LIPE: variants seen among roughly 807,000 people sequenced by gnomAD.
The protein encoded by LIPE is hormone-sensitive lipase.
A neutral mutation model predicts 88.5 loss-of-function variants in LIPE; 66 were observed. The observed-to-expected ratio is 0.75, with a 90% CI of 0.61 to 0.91. The LOEUF (loss-of-function observed/expected upper bound fraction) is 0.91, where lower values mean the gene tolerates loss of function less well. Among genes scored for constraint, LIPE ranks in the 40% least tolerant of loss-of-function variants. The pLI, the probability that LIPE is intolerant of heterozygous loss-of-function variation, is 0.00. For synonymous variants in LIPE, 570 were observed against 617.5 expected, an observed-to-expected ratio of 0.92 and a Z score of 1.14; for missense variants, 1,346 against 1,434.7, an observed-to-expected ratio of 0.94 and a Z score of 1.00.
chr19:42,424,199 A>C, intron 1 of LIPE: 29 of 938,048 alleles, frequency 3.1e-5, no homozygotes, highest in Non-Finnish European at 3.8e-5. Flanking sequence ...GCTCCCGATA[A>C]TGAGGGTGGG....
chr19:42,409,076 G>A (rs1368184124), intron 2 of LIPE, among the ~76,000 whole-genome samples: 1 of 152,088 alleles, frequency 6.6e-6, no homozygotes, highest in Admixed American at 6.6e-5. Context: ...AGAGAGGATG[G>A]ATGGGGAGAG....
In LIPE at chr19:42,405,471, T is replaced by G; in HGVS notation, c.2456A>C (p.Asp819Ala). ...CCATGAGGAGGCACCCAGGCGGAAG[T>G]CTCGGAGGAGCAGGGCTGTGTCCCG... ...VRRDTALLLR[D>A]FRLGASSWLN... Residue 819 changes from aspartate (D) to alanine (A), a missense_variant, in exon 8 of 10, where the codon GAC (aspartate) becomes GCC (alanine). Transcript: ENST00000244289. 1 of 1,614,030 alleles carries G rather than the reference T, an allele frequency of 6.2e-7. No homozygotes were observed. Among genetic ancestry groups the G allele is most frequent in the Non-Finnish European group, 8.5e-7 (1 of 1,179,958 alleles).
At chr19:42,417,142 G>A (rs960120430) in intron 1 of LIPE, among the ~76,000 whole-genome samples, 14 of 152,284 alleles carry the variant, frequency 9.2e-5, no homozygotes, top group Non-Finnish European at 1.8e-4. Context: ...GGATGGTCTC[G>A]ATCTCCTGAC....
chr19:42,407,553 C>A lies in LIPE; in HGVS notation c.1842+53G>T, dbSNP rs1424299888. The A allele has an allele frequency of 3.3e-5, 52 of 1,575,008 alleles. No individual in the cohort carries two copies. The highest frequency in any genetic ancestry group is 3.9e-5 in the Non-Finnish European group (45 of 1,157,478). On this transcript the variant is annotated intron_variant, in intron 5 of 9. Transcript: ENST00000244289. The surrounding 1 kb of genome is among the most constrained non-coding windows in gnomAD (Gnocchi z 5.8). ...CTCCATGGGGATGCCAAGGTGGGGG[C>A]TGCCCACGCTCCTCGGCTCTGTCCC... is the stretch of plus-strand genomic sequence containing the variant.
rs2040281014 is a variant in LIPE at position 42,408,874 on chromosome 19, C to T, written c.1420-552G>A. Among the ~76,000 whole-genome samples, 1 of 150,808 alleles carries T rather than the reference C, an allele frequency of 6.6e-6. No individual in the cohort carries two copies. The highest frequency in any genetic ancestry group is 1.5e-5 in the Non-Finnish European group (1 of 67,810). ...GCTTGGTGCTTGACCTGGGTAGCGA[C>T]AGTCAGGGGGCCAGTGTGGCTGGAG... On this transcript the variant is annotated intron_variant, in intron 2 of 9. Transcript: ENST00000244289. The surrounding 1 kb of genome is among the most constrained non-coding windows in gnomAD (Gnocchi z 4.3).
At chr19:42,409,421 A>C (rs1389290776) in intron 2 of LIPE, among the ~76,000 whole-genome samples, 3 of 150,568 alleles carry the variant, frequency 2.0e-5, no homozygotes, top group Non-Finnish European at 4.4e-5. Flanking sequence ...AAAAAAAAAA[A>C]TACAATGGGG....
Position 42,407,868 on chromosome 19 carries a change from A to C in LIPE, c.1657-77T>G, listed in dbSNP as rs2040239641. 2 of 1,554,098 alleles carry C rather than the reference A, an allele frequency of 1.3e-6. No homozygotes were observed. Among genetic ancestry groups the C allele is most frequent in the East Asian group, 4.5e-5 (2 of 43,970 alleles). On this transcript the variant is annotated intron_variant, in intron 4 of 9. Transcript: ENST00000244289. This position sits in a 1 kb window ranked among gnomAD's most constrained non-coding sequence, Gnocchi z 5.8. ...CCCTTCACCTCTCCCTCTGATCCCC[A>C]GTCTTTCCCCTTGTGTGCCATCCCT...
chr19:42,405,325 G>A, intron 8 of LIPE, 60 bp downstream of exon 8: 1 of 1,552,696 alleles, frequency 6.4e-7, no homozygotes, highest in Non-Finnish European at 8.8e-7. Context: ...GACTTTTGCT[G>A]TGCTAGGCTG....
chr19:42,403,508 C>G (rs1043976032), intron 8 of LIPE, among the ~76,000 whole-genome samples: 8 of 149,804 alleles, frequency 5.3e-5, no homozygotes, highest in Non-Finnish European at 1.2e-4. Context: ...AGTGCAGTGG[C>G]AAGAACATGG....
At position 42,403,452 on chromosome 19, in the gene LIPE, G is replaced by T. The variant is rs1050266668; in HGVS notation, c.2543-421C>A. Among the ~76,000 whole-genome samples the T allele has an allele frequency of 4.2e-3, 591 of 141,750 alleles. 3 individuals carry two copies. The highest frequency in any genetic ancestry group is 0.013 in the African/African-American group (506 of 38,750). The allele number at this position is 141,750 out of a possible 152,430, so 93.0% of individuals were successfully genotyped here. ...TGGGGATCATAATATATCGTTTTTTGTTTTTTTTTTTTTGAGACAAAGTCT... is the reference window on the plus strand; with the variant it reads ...TGGGGATCATAATATATCGTTTTTTTTTTTTTTTTTTTTGAGACAAAGTCT... On this transcript the variant is annotated intron_variant, in intron 8 of 9. Transcript: ENST00000244289.
At chr19:42,423,557 G>C in intron 1 of LIPE, 1 of 1,236,142 alleles carries the variant, frequency 8.1e-7, no homozygotes, top group Non-Finnish European at 1.0e-6. Context: ...CGGTCCTCCC[G>C]CGGGGGCCAA....
At chr19:42,412,319 G>A (rs2040399055) in intron 1 of LIPE, 1 of 985,734 alleles carries the variant, frequency 1.0e-6, no homozygotes, top group Non-Finnish European at 1.2e-6. Flanking sequence ...TAGGTCCTGG[G>A]GCCTGGCAGC....
Position 42,426,302 on chromosome 19 carries a change from G to T in LIPE, c.848C>A (p.Thr283Asn). 2.5e-6 allele frequency: 4 copies of T among 1,605,914 alleles called. No individual in the cohort carries two copies. Among genetic ancestry groups the T allele is most frequent in the Non-Finnish European group, 3.4e-6 (4 of 1,173,106 alleles). The change falls in exon 1 of 10, where the codon ACC becomes AAC. Residue 283 changes from threonine to asparagine, a missense_variant. By Grantham distance (65) the Thr-to-Asn change is moderately conservative (BLOSUM62 0). Transcript: ENST00000244289. ...GYSGTSPHEK[T>N]SARNHRHYQD... ...GTAGTGTCTGTGATTCCGAGCACTG[G>T]TTTTCTCATGTGGCGACGTCCCACT... is the stretch of plus-strand genomic sequence containing the variant.
chr19:42,408,356 C>A lies in LIPE; in HGVS notation c.1420-34G>T. 1 of 1,562,824 alleles carries A rather than the reference C, an allele frequency of 6.4e-7. No individual in the cohort carries two copies. Among genetic ancestry groups the A allele is most frequent in the Non-Finnish European group, 8.8e-7 (1 of 1,134,020 alleles). On this transcript the variant is annotated intron_variant, in intron 2 of 9. Transcript: ENST00000244289. The surrounding 1 kb of genome is among the most constrained non-coding windows in gnomAD (Gnocchi z 4.3). ...AGACGCGGCTGCGTCACCCACCGCT[C>A]AAGAGAGGGATGGGGACAGGGCAGG...
chr19:42,421,594 A>G (rs1205589767), intron 1 of LIPE, among the ~76,000 whole-genome samples: 1 of 152,230 alleles, frequency 6.6e-6, no homozygotes, highest in Non-Finnish European at 1.5e-5. Flanking sequence ...CCCAGAATCA[A>G]GTTTGGGCCC....
chr19:42,423,547 CG>C (rs1568613910), intron 1 of LIPE: 1 of 1,243,494 alleles, frequency 8.0e-7, no homozygotes, highest in Non-Finnish European at 1.0e-6. Flanking sequence ...CAATTCCCCG[CG>C]GTCCTCCCGC....
At chr19:42,412,922 T>G (rs2147638926) in intron 1 of LIPE, among the ~76,000 whole-genome samples, 1 of 152,322 alleles carries the variant, frequency 6.6e-6, no homozygotes, top group East Asian at 1.9e-4. Context: ...TTAAGGGCAG[T>G]GCCAGGCTCA....
intron 1 of LIPE, chr19:42,424,445 C>T (rs1270213971): frequency 1.5e-5 from 7 of 456,086 alleles, no homozygotes; most frequent in Admixed American, 1.2e-4. Flanking sequence ...TGGTGTGGGG[C>T]GGGCATCCCT....
Position 42,426,937 on chromosome 19 carries a change from G to A in LIPE, c.213C>T (p.Ser71=), listed in dbSNP as rs755067940. 6.2e-7 allele frequency: 1 copy of A among 1,614,068 alleles called. No individual in the cohort carries two copies. The highest frequency in any genetic ancestry group is 1.7e-5 in the Admixed American group (1 of 60,006). The part of the protein sequence containing the change: ...QETPAQHDAE[S]QKEPRAQQKS... ...TTTGTTGGGCTCTAGGTTCCTTCTGGGATTCAGCATCATGTTGTGCAGGGG... is the reference window on the plus strand; with the variant it reads ...TTTGTTGGGCTCTAGGTTCCTTCTGAGATTCAGCATCATGTTGTGCAGGGG... Residue 71 remains serine (S), a synonymous_variant, in exon 1 of 10, where the codon TCC becomes TCT. Transcript: ENST00000244289.
Sources: allele counts gnomAD v4.1 joint callset (sites outside exome capture counted in the v4.1 genomes callset), GRCh38; gene constraint gnomAD v4.1.1; non-coding constraint Gnocchi (gnomAD v3.1); transcripts MANE v1.5; gene names NCBI Gene and HGNC (gene_info 2026-07-23, HGNC 2026-07-21).